CAMTA1: variants seen among roughly 807,000 people sequenced by gnomAD.
The protein encoded by CAMTA1 is calmodulin-binding transcription activator 1.
A neutral mutation model predicts 170.9 loss-of-function variants in CAMTA1; 27 were observed. That is an observed-to-expected ratio of 0.16 (90% CI 0.12 to 0.22). CAMTA1 has a LOEUF of 0.22. CAMTA1 is among the 10% of genes least tolerant of loss of function. CAMTA1 has a pLI of 1.00. For missense variants in CAMTA1, 1,619 were observed against 2,217.2 expected (o/e 0.73, Z 5.42); for synonymous variants, 833 against 891.5 (o/e 0.93, Z 1.17).
chr1:6,922,644 A>T (rs1013605589), intron 3 of CAMTA1, among the ~76,000 whole-genome samples: 1 of 152,216 alleles, frequency 6.6e-6, no homozygotes, highest in African/African-American at 2.4e-5. Context: ...CCTTTCATGA[A>T]CTGGCCTTGA....
chr1:7,630,524 A>T (rs928643870), intron 6 of CAMTA1, among the ~76,000 whole-genome samples: 2 of 152,224 alleles, frequency 1.3e-5, no homozygotes, highest in African/African-American at 2.4e-5. Context: ...AATTCTGGTA[A>T]TTGTGTAACA....
At chr1:7,150,903 G>A (rs1157899530) in intron 4 of CAMTA1, among the ~76,000 whole-genome samples, 1 of 152,170 alleles carries the variant, frequency 6.6e-6, no homozygotes, top group Non-Finnish European at 1.5e-5. Flanking sequence ...CATTTTGCTC[G>A]AGTAAAGAAG....
In CAMTA1 at chr1:7,641,983, C is replaced by T. The variant is rs929409868; in HGVS notation, c.664+1430C>T. Among the ~76,000 whole-genome samples, 2 of 151,266 alleles carry T rather than the reference C, an allele frequency of 1.3e-5. No individual in the cohort carries two copies. The highest frequency in any genetic ancestry group is 2.9e-5 in the Non-Finnish European group (2 of 67,900). ...AGCCCCCGGCCTCTGCAGGACTCTG[C>T]GCCCTTTCCACCTGCTGTAGTCCCC... On this transcript the variant is annotated intron_variant, in intron 7 of 22. Transcript: ENST00000303635. The surrounding 1 kb of genome is among the most constrained non-coding windows in gnomAD (Gnocchi z 4.5).
At chr1:7,473,276 C>T (rs1001526660) in intron 6 of CAMTA1, among the ~76,000 whole-genome samples, 2 of 152,206 alleles carry the variant, frequency 1.3e-5, no homozygotes, top group African/African-American at 4.8e-5. Context: ...GCAGAGTTAG[C>T]CAGAACATGG....
intron 3 of CAMTA1, among the ~76,000 whole-genome samples, chr1:6,948,638 A>G (rs1173027016): frequency 6.6e-6 from 1 of 152,122 alleles, no homozygotes; most frequent in Admixed American, 6.5e-5. Context: ...TATCTTCCCT[A>G]TGTTAGACAC....
intron 5 of CAMTA1, among the ~76,000 whole-genome samples, chr1:7,353,116 A>C (rs745867061): frequency 2.2e-4 from 33 of 152,224 alleles, no homozygotes; most frequent in Non-Finnish European, 4.4e-4. Context: ...GGGCTTGGCC[A>C]CATCCAATCA....
At chr1:6,809,403 A>C (rs1365568604) in intron 1 of CAMTA1, among the ~76,000 whole-genome samples, 1 of 152,130 alleles carries the variant, frequency 6.6e-6, no homozygotes, top group Non-Finnish European at 1.5e-5. Context: ...ATGTGGGTCA[A>C]AGATCAGGGA....
chr1:6,842,449 T>G (rs1656210467), intron 3 of CAMTA1, among the ~76,000 whole-genome samples: 1 of 152,228 alleles, frequency 6.6e-6, no homozygotes, highest in Admixed American at 6.5e-5. Flanking sequence ...TATCACGACC[T>G]GGGCCCTACC....
intron 3 of CAMTA1, among the ~76,000 whole-genome samples, chr1:7,001,897 CTT>C (rs35997562): frequency 1.2e-4 from 16 of 137,408 alleles, no homozygotes; most frequent in South Asian, 2.3e-4. Context: ...TCTTCTTCTT[CTT>C]TTTTTTTTTT....
At chr1:6,925,399 C>A (rs544672148) in intron 3 of CAMTA1, among the ~76,000 whole-genome samples, 1 of 152,392 alleles carries the variant, frequency 6.6e-6, no homozygotes, top group African/African-American at 2.4e-5. Flanking sequence ...AGTGGCCTGA[C>A]CTCGCTTTCG....
intron 9 of CAMTA1, among the ~76,000 whole-genome samples, chr1:7,666,393 C>T (rs1291668294): frequency 2.0e-5 from 3 of 152,174 alleles, no homozygotes; most frequent in African/African-American, 7.2e-5. Context: ...TGCACCCTCC[C>T]CCAGCCCCCA....
chr1:7,019,315 A>G (rs1306039983), intron 3 of CAMTA1, among the ~76,000 whole-genome samples: 4 of 150,932 alleles, frequency 2.7e-5, no homozygotes, highest in African/African-American at 9.7e-5. Flanking sequence ...ACACCTAGAA[A>G]TAGGTTCCTT....
At chr1:7,568,811 C>CCAT (rs1010375504) in intron 6 of CAMTA1, among the ~76,000 whole-genome samples, 3 of 150,102 alleles carry the variant, frequency 2.0e-5, no homozygotes, top group African/African-American at 7.4e-5. Context: ...ATCAACATCA[C>CCAT]CATCATCGTC....
chr1:7,017,893 G>A (rs1700781002), intron 3 of CAMTA1, among the ~76,000 whole-genome samples: 1 of 152,134 alleles, frequency 6.6e-6, no homozygotes, highest in Admixed American at 6.5e-5. Flanking sequence ...TGTGGAATTG[G>A]GTACAACCTG....
At chr1:7,556,241 G>A (rs891451712) in intron 6 of CAMTA1, among the ~76,000 whole-genome samples, 4 of 152,154 alleles carry the variant, frequency 2.6e-5, no homozygotes, top group African/African-American at 4.8e-5. Context: ...GGCCCTTGGG[G>A]GAAACCCTGA....
intron 4 of CAMTA1, among the ~76,000 whole-genome samples, chr1:7,204,830 C>CTTTTTTTTTTTTTTTTTT (rs367812076): frequency 4.6e-5 from 4 of 86,796 alleles, no homozygotes; most frequent in East Asian, 3.3e-4. Context: ...TTCTTTTTTT[C>CTTTTTTTTTTTTTTTTTT]TTTTTTTTTT....
At chr1:7,116,834 A>T (rs1644361954) in intron 4 of CAMTA1, among the ~76,000 whole-genome samples, 1 of 147,772 alleles carries the variant, frequency 6.8e-6, no homozygotes, top group South Asian at 2.1e-4. Flanking sequence ...TTGTATTTTT[A>T]GTAGAGACGG....
chr1:7,290,919 C>T (rs1451136943), intron 5 of CAMTA1, among the ~76,000 whole-genome samples: 1 of 152,018 alleles, frequency 6.6e-6, no homozygotes, highest in Admixed American at 6.6e-5. Flanking sequence ...AATGGGGGCT[C>T]CTGGGGGGGT....
Position 7,421,834 on chromosome 1 carries a change from C to T in CAMTA1, c.439-45996C>T, listed in dbSNP as rs12402389. The stretch of plus-strand genomic sequence containing the variant: ...CAACAGACAGAGGGGACCATACCCT[C>T]CTGCAGGCCCACGGGGCACTGGGGC... On this transcript the variant is annotated intron_variant, in intron 5 of 22. Coordinates refer to ENST00000303635, the MANE Select transcript of CAMTA1 (RefSeq NM_015215.4). Among the ~76,000 whole-genome samples the T allele has an allele frequency of 6.6e-5, 10 of 152,294 alleles. No individual in the cohort carries two copies. The South Asian group carries it at 2.1e-3, about 32-fold the overall frequency.
Sources: gnomAD v4.1 joint callset for allele counts (sites outside exome capture counted in the v4.1 genomes callset) on GRCh38, gnomAD v4.1.1 for gene constraint, Gnocchi (gnomAD v3.1) non-coding constraint, MANE v1.5 for transcripts, NCBI Gene and HGNC (gene_info 2026-07-23, HGNC 2026-07-21) for gene names.